Variants in USP22 observed in about 807,000 individuals in gnomAD.
The protein encoded by USP22 is ubiquitin specific peptidase 22.
Under a neutral mutation model 68.1 loss-of-function variants are expected in USP22, and 22 were observed. The observed-to-expected ratio is 0.32, with a 90% CI of 0.23 to 0.46. The LOEUF is 0.46. USP22 is among the 20% of genes least tolerant of loss of function. The pLI, the probability that USP22 is intolerant of heterozygous loss-of-function variation, is 1.00. For missense variants in USP22, 433 were observed against 695.8 expected, an observed-to-expected ratio of 0.62 and a Z score of 4.25; for synonymous variants, 279 against 274.2, an observed-to-expected ratio of 1.02 and a Z score of -0.17.
intron 1 of USP22, among the ~76,000 whole-genome samples, chr17:21,035,654 G>A (rs1414347335): frequency 6.6e-6 from 1 of 152,116 alleles, no homozygotes; most frequent in Non-Finnish European, 1.5e-5. Context: ...CTGTAAGAAA[G>A]GAATGAAGAG....
At chr17:21,021,583 A>G (rs1440423424) in intron 2 of USP22, among the ~76,000 whole-genome samples, 1 of 152,258 alleles carries the variant, frequency 6.6e-6, no homozygotes, top group Non-Finnish European at 1.5e-5. Context: ...GCCACCTGAC[A>G]CGGAGTGACT....
intron 7 of USP22, among the ~76,000 whole-genome samples, chr17:21,012,244 C>A (rs960727812): frequency 6.6e-6 from 1 of 152,068 alleles, no homozygotes; most frequent in Non-Finnish European, 1.5e-5. Flanking sequence ...GCAACATACA[C>A]AAGACCCCAT....
chr17:21,020,361 T>C (rs1222856745), intron 3 of USP22, among the ~76,000 whole-genome samples: 2 of 151,770 alleles, frequency 1.3e-5, no homozygotes, highest in Non-Finnish European at 1.5e-5. Flanking sequence ...CAATAACCAG[T>C]GTGTGTGGCC....
rs1162744632 is a variant in USP22, at chr17:21,016,904, GTAAT to G, written c.691-1009_691-1006del. Among the ~76,000 whole-genome samples the G allele has an allele frequency of 3.3e-5, 5 of 152,282 alleles. No individual in the cohort carries two copies. In the East Asian group the frequency reaches 9.7e-4, roughly 29 times the overall value. On this transcript the variant is annotated intron_variant, in intron 5 of 12. Transcript: ENST00000261497. ...TATAGGCTAGAAGGTGGGTGTGACT[GTAAT>G]TTACACCTTAACAAGCCGGAGTCTA... is the stretch of plus-strand genomic sequence containing the variant.
At position 21,021,266 on chromosome 17, in the gene USP22, A is replaced by T. The variant is rs1271154057; in HGVS notation, c.305-40T>A. 6 of 1,408,638 alleles carry T rather than the reference A, an allele frequency of 4.3e-6. No individual in the cohort carries two copies. In the Admixed American group the frequency reaches 8.4e-5, roughly 20 times the overall value. The allele number at this position is 1,408,638 out of a possible 1,614,324, so 87.3% of individuals were successfully genotyped here. ...GAGGGAGGAGAAACCAAGTTGAATTAAAAACCACAATGGAAGGCTGGAGGG... is the reference window on the plus strand; with the variant it reads ...GAGGGAGGAGAAACCAAGTTGAATTTAAAACCACAATGGAAGGCTGGAGGG... On this transcript the variant is annotated intron_variant, in intron 2 of 12. Transcript: ENST00000261497.
Position 21,000,819 on chromosome 17 carries a change from T to A in USP22, c.*2212A>T, listed in dbSNP as rs1913544431. ...GGCTCACGCCTATAATCCCAGCACTTTGGGACGCTGAGGTGGGTGGATCGC... is the reference window on the plus strand; with the variant it reads ...GGCTCACGCCTATAATCCCAGCACTATGGGACGCTGAGGTGGGTGGATCGC... On this transcript the variant is annotated 3_prime_UTR_variant, in exon 13 of 13. Transcript: ENST00000261497. 6.6e-6 allele frequency: 1 copy of A among 152,168 alleles called. No homozygotes were observed. Among genetic ancestry groups the A allele is most frequent in the Non-Finnish European group, 1.5e-5 (1 of 68,042 alleles). The allele number at this position is 152,168 out of a possible 1,614,324, so 9.4% of individuals were successfully genotyped here. A position where few individuals can be genotyped will look rare whatever the true frequency, so the allele number is the denominator to read the frequency against.
chr17:21,018,168 C>T (rs1972111090), intron 4 of USP22, 57 bp from the exon 5 acceptor site: 1 of 1,489,934 alleles, frequency 6.7e-7, no homozygotes, highest in East Asian at 2.4e-5. Flanking sequence ...ACAGGTGTCG[C>T]TGGATCCCAG....
intron 1 of USP22, among the ~76,000 whole-genome samples, chr17:21,038,078 T>A (rs1211672877): frequency 6.6e-6 from 1 of 152,206 alleles, no homozygotes; most frequent in Non-Finnish European, 1.5e-5. Context: ...CAGTTCACTA[T>A]AAAATAAAAA....
intron 1 of USP22, among the ~76,000 whole-genome samples, chr17:21,040,696 C>G (rs2143664446): frequency 6.6e-6 from 1 of 151,532 alleles, no homozygotes; most frequent in South Asian, 2.1e-4. Flanking sequence ...TAAAAAATAC[C>G]AGAGGGGGGA....
At chr17:21,042,531 A>T in intron 1 of USP22, 134 bp downstream of exon 1, 1 of 838,086 alleles carries the variant, frequency 1.2e-6, no homozygotes, top group Non-Finnish European at 1.6e-6. Flanking sequence ...AGAGGGCAGA[A>T]GGAGAGAGGA....
rs1597685573 is a variant in USP22 at position 21,002,669 on chromosome 17, G to A, written c.*362C>T. 9.8e-6 allele frequency: 3 copies of A among 307,532 alleles called. No homozygotes were observed. The highest frequency in any genetic ancestry group is 9.1e-5 in the South Asian group (3 of 32,796). The allele number at this position is 307,532 out of a possible 1,614,324, so 19.1% of individuals were successfully genotyped here. A position where few individuals can be genotyped will look rare whatever the true frequency, so the allele number is the denominator to read the frequency against. On this transcript the variant is annotated 3_prime_UTR_variant, in exon 13 of 13. Transcript: ENST00000261497. ...GACCCATAATCTTACAGCAGGTAGGGGCCTTTCCACACCGAGTGCTGGGGA... is the reference window on the plus strand; with the variant it reads ...GACCCATAATCTTACAGCAGGTAGGAGCCTTTCCACACCGAGTGCTGGGGA...
At chr17:21,026,495 T>A (rs937589402) in intron 2 of USP22, among the ~76,000 whole-genome samples, 20 of 151,902 alleles carry the variant, frequency 1.3e-4, no homozygotes, top group Non-Finnish European at 1.8e-4. Flanking sequence ...TGCTAATTTT[T>A]AAATTTTTTG....
chr17:21,042,497 G>C (rs1258102181), intron 1 of USP22, among the ~76,000 whole-genome samples, 168 bp downstream of exon 1: 5 of 147,270 alleles, frequency 3.4e-5, no homozygotes, highest in Admixed American at 2.0e-4. Flanking sequence ...GGGAAGGAAA[G>C]GAGGGGGAAG....
Sources: gnomAD v4.1 joint callset for allele counts (sites outside exome capture counted in the v4.1 genomes callset) on GRCh38, gnomAD v4.1.1 for gene constraint, MANE v1.5 for transcripts, NCBI Gene and HGNC (gene_info 2026-07-23, HGNC 2026-07-21) for gene names.